SRGAP1: variants seen among roughly 807,000 people sequenced by gnomAD.
The protein encoded by SRGAP1 is SLIT-ROBO Rho GTPase-activating protein 1.
SRGAP1 carries 43 observed loss-of-function variants against 121.9 expected under a neutral mutation model. The observed-to-expected ratio is 0.35, with a 90% CI of 0.28 to 0.46. The LOEUF is 0.46. Among genes scored for constraint, SRGAP1 ranks in the 20% least tolerant of loss-of-function variants. The pLI is 1.00. For synonymous variants in SRGAP1, 447 were observed against 485.4 expected (o/e 0.92, Z 1.04); for missense variants, 1,102 against 1,350.9 (o/e 0.82, Z 2.89).
intron 11 of SRGAP1, 50 bp from the exon 12 acceptor site, chr12:64,091,225 AT>A: frequency 7.4e-7 from 1 of 1,349,954 alleles, no homozygotes; most frequent in South Asian, 1.5e-5. Context: ...TAGATGTTTC[AT>A]TTATTGTTTG....
rs1354919801 is a variant in SRGAP1 at position 64,145,564 on chromosome 12, T to G, written c.*2892T>G. ...CTATTGTCAGCTTGAGACTTTTTTT[T>G]TTTTTCAATTCCAAATGAAGGGTAT... On this transcript the variant is annotated 3_prime_UTR_variant, in exon 22 of 22. Coordinates refer to ENST00000355086, the MANE Select transcript of SRGAP1 (RefSeq NM_020762.4). 2 of 152,180 alleles carry G rather than the reference T, an allele frequency of 1.3e-5. No individual in the cohort carries two copies. 9.4% of individuals were successfully genotyped at this position (152,180 alleles called of 1,614,324 possible).
intron 3 of SRGAP1, among the ~76,000 whole-genome samples, chr12:64,001,299 T>G (rs2033889934): frequency 1.3e-5 from 2 of 152,218 alleles, no homozygotes; most frequent in Admixed American, 1.3e-4. Flanking sequence ...AGAGCAATCT[T>G]AAATATGTAG....
chr12:63,944,170 G>A (rs1295688536), intron 1 of SRGAP1, among the ~76,000 whole-genome samples: 1 of 152,144 alleles, frequency 6.6e-6, no homozygotes, highest in Non-Finnish European at 1.5e-5. Flanking sequence ...TTATAATTGA[G>A]GAAACTGAGG....
intron 1 of SRGAP1, among the ~76,000 whole-genome samples, chr12:63,909,293 G>A (rs565970000): frequency 6.6e-6 from 1 of 152,074 alleles, no homozygotes; most frequent in Non-Finnish European, 1.5e-5. Context: ...AAACAATTTG[G>A]GCCCCTTGCT....
At chr12:63,956,900 C>G (rs2032491416) in intron 1 of SRGAP1, among the ~76,000 whole-genome samples, 1 of 152,146 alleles carries the variant, frequency 6.6e-6, no homozygotes, top group Non-Finnish European at 1.5e-5. Context: ...CCATCACTCT[C>G]CATTCTGCCC....
At chr12:63,997,272 G>T (rs2033740217) in intron 3 of SRGAP1, among the ~76,000 whole-genome samples, 1 of 152,096 alleles carries the variant, frequency 6.6e-6, no homozygotes, top group Admixed American at 6.6e-5. Context: ...TGCTATACAG[G>T]TTTGTAGCCT....
In SRGAP1 at chr12:64,100,035, A is replaced by G. The variant is rs569011813; in HGVS notation, c.1813+2660A>G. On this transcript the variant is annotated intron_variant, in intron 15 of 21. Transcript: ENST00000355086. ...AATCTTATTAAATAGCTGTTTCTTC[A>G]CCTACTTCATAGAGTCTATGTGAAG... Among the ~76,000 whole-genome samples the G allele has an allele frequency of 1.6e-4, 24 of 152,272 alleles. No individual in the cohort carries two copies. The East Asian group carries it at 1.7e-3, about 11-fold the overall frequency.
At chr12:63,886,431 A>G (rs773685662) in intron 1 of SRGAP1, among the ~76,000 whole-genome samples, 1 of 151,624 alleles carries the variant, frequency 6.6e-6, no homozygotes, top group Non-Finnish European at 1.5e-5. Flanking sequence ...GAGCCAAAGT[A>G]AAAACCCTTT....
At chr12:63,924,873 G>C (rs570560621) in intron 1 of SRGAP1, among the ~76,000 whole-genome samples, 29 of 152,214 alleles carry the variant, frequency 1.9e-4, no homozygotes, top group African/African-American at 7.0e-4. Context: ...ACATAGTACT[G>C]GGGCAATGTG....
At chr12:63,984,802 G>A (rs528504924) in intron 2 of SRGAP1, among the ~76,000 whole-genome samples, 1 of 152,148 alleles carries the variant, frequency 6.6e-6, no homozygotes, top group Admixed American at 6.5e-5. Context: ...GATCACCTGA[G>A]GTCAGGAGTT....
At chr12:63,864,137 T>C (rs74322518) in intron 1 of SRGAP1, among the ~76,000 whole-genome samples, 5,372 of 152,292 alleles carry the variant, frequency 0.035, 147 homozygotes, top group Middle Eastern at 0.085. Flanking sequence ...ATTCTCCACA[T>C]ACCTAATCTA....
intron 1 of SRGAP1, among the ~76,000 whole-genome samples, chr12:63,859,754 A>G (rs1899383655): frequency 6.6e-6 from 1 of 152,192 alleles, no homozygotes; most frequent in Admixed American, 6.5e-5. Flanking sequence ...TAACATCAGC[A>G]TGAAATGGAA....
At chr12:63,979,797 AC>A (rs1050177633) in intron 1 of SRGAP1, among the ~76,000 whole-genome samples, 9 of 152,316 alleles carry the variant, frequency 5.9e-5, no homozygotes, top group Admixed American at 2.0e-4. Context: ...TAACCTAAAA[AC>A]GCCTCTAAAA....
chr12:63,967,934 C>T (rs2032834305), intron 1 of SRGAP1, among the ~76,000 whole-genome samples: 1 of 152,140 alleles, frequency 6.6e-6, no homozygotes, highest in African/African-American at 2.4e-5. Context: ...GGCTGAGCCC[C>T]AGGAAGGGAA....
At chr12:64,091,774 C>A in intron 12 of SRGAP1, 1 of 765,300 alleles carries the variant, frequency 1.3e-6, no homozygotes, top group Non-Finnish European at 2.1e-6. Flanking sequence ...TTTGATTTCC[C>A]ATGACTTGAG....
intron 1 of SRGAP1, among the ~76,000 whole-genome samples, chr12:63,948,749 A>G (rs1479598058): frequency 6.7e-6 from 1 of 148,822 alleles, no homozygotes; most frequent in African/African-American, 2.5e-5. Context: ...TATATATTCC[A>G]TATATATATT....
intron 1 of SRGAP1, among the ~76,000 whole-genome samples, chr12:63,901,912 C>A (rs1334442069): frequency 6.6e-6 from 1 of 152,194 alleles, no homozygotes; most frequent in African/African-American, 2.4e-5. Context: ...AGTCACCTAA[C>A]ATTGTTCTTC....
chr12:63,916,918 T>A (rs1044658502), intron 1 of SRGAP1, among the ~76,000 whole-genome samples: 1 of 152,048 alleles, frequency 6.6e-6, no homozygotes, highest in Non-Finnish European at 1.5e-5. Flanking sequence ...GAGAGGAGAG[T>A]GTGCCATTTG....
At chr12:63,935,359 A>G (rs751358854) in intron 1 of SRGAP1, among the ~76,000 whole-genome samples, 13 of 152,062 alleles carry the variant, frequency 8.5e-5, no homozygotes, top group Non-Finnish European at 1.6e-4. Context: ...TTTATGCTCT[A>G]TTTTTTTCAA....
Sources: allele counts gnomAD v4.1 joint callset (sites outside exome capture counted in the v4.1 genomes callset), GRCh38; gene constraint gnomAD v4.1.1; transcripts MANE v1.5; gene names NCBI Gene and HGNC (gene_info 2026-07-23, HGNC 2026-07-21).